Variants in GRIK1 observed in about 807,000 individuals in gnomAD.
GRIK1 encodes the protein glutamate ionotropic receptor kainate type subunit 1.
In GRIK1, 69 loss-of-function variants were observed where a neutral mutation model predicts 105.7. The observed-to-expected ratio is 0.65, with a 90% CI of 0.54 to 0.80. The LOEUF (loss-of-function observed/expected upper bound fraction) is 0.80, where lower values mean the gene tolerates loss of function less well. Ranked by LOEUF, GRIK1 falls within the 30% of genes least tolerant of loss-of-function variation. The probability of loss-of-function intolerance (pLI) is 0.00; values close to 1 mark genes in which losing one functional copy is unlikely to be tolerated. For missense variants in GRIK1, 1,109 were observed against 1,167.3 expected (o/e 0.95, Z 0.73); for synonymous variants, 438 against 431.3 (o/e 1.02, Z -0.19).
chr21:29,770,302 C>G (rs562852911), intron 1 of GRIK1, among the ~76,000 whole-genome samples: 13 of 152,180 alleles, frequency 8.5e-5, no homozygotes, highest in African/African-American at 3.1e-4. Context: ...TTAGTAAATG[C>G]CCCAATCTGC....
intron 7 of GRIK1, among the ~76,000 whole-genome samples, chr21:29,623,802 C>A (rs1004506010): frequency 2.6e-5 from 4 of 152,284 alleles, no homozygotes; most frequent in South Asian, 2.1e-4. Context: ...AGTCAACATG[C>A]TATTCACTAA....
chr21:29,662,507 T>C (rs1601400141), intron 4 of GRIK1, among the ~76,000 whole-genome samples: 1 of 152,222 alleles, frequency 6.6e-6, no homozygotes, highest in Admixed American at 6.5e-5. Context: ...GGTAACAGAA[T>C]ATTTTGAATT....
chr21:29,587,655 G>A, intron 11 of GRIK1, 66 bp from the exon 12 acceptor site: 3 of 819,618 alleles, frequency 3.7e-6, no homozygotes, highest in Non-Finnish European at 6.0e-6. Flanking sequence ...GACTTTTCCT[G>A]GGTACTCCTG....
chr21:29,908,321 A>G (rs1345082260), intron 1 of GRIK1, among the ~76,000 whole-genome samples: 1 of 152,108 alleles, frequency 6.6e-6, no homozygotes, highest in African/African-American at 2.4e-5. Flanking sequence ...ACCATCTTCC[A>G]TCTTCTACTG....
At position 29,867,908 on chromosome 21, in the gene GRIK1, AAGAG is replaced by A. The variant is rs374877912; in HGVS notation, c.118+71471_118+71474del. Among the ~76,000 whole-genome samples the A allele has an allele frequency of 5.1e-5, 4 of 77,842 alleles. No individual in the cohort carries two copies. The East Asian group carries it at 1.8e-3, about 34-fold the overall frequency. 51.1% of individuals were successfully genotyped at this position (77,842 alleles called of 152,430 possible). ...AGAAAGAGAGAGAGAGAGAGAAAGA[AAGAG>A]AGAGAAAGAGAGAAAGAGAGAGAAA... On this transcript the variant is annotated intron_variant, in intron 1 of 17. Transcript: ENST00000327783.
intron 1 of GRIK1, among the ~76,000 whole-genome samples, chr21:29,789,430 A>T (rs2145813456): frequency 6.6e-6 from 1 of 152,326 alleles, no homozygotes; most frequent in South Asian, 2.1e-4. Flanking sequence ...GAGTCATAAT[A>T]ATCCCTCCTG....
At chr21:29,689,138 G>C (rs1480092427) in intron 3 of GRIK1, among the ~76,000 whole-genome samples, 1 of 151,884 alleles carries the variant, frequency 6.6e-6, no homozygotes, top group Non-Finnish European at 1.5e-5. Context: ...AAGTTCAAAT[G>C]GGGGCGGGTC....
chr21:29,768,731 G>A (rs2065738442), intron 1 of GRIK1, among the ~76,000 whole-genome samples: 2 of 152,168 alleles, frequency 1.3e-5, no homozygotes, highest in African/African-American at 4.8e-5. Flanking sequence ...CTGAAGAGTT[G>A]TCTATTTCAG....
At chr21:29,585,832 T>G (rs2091118871) in intron 12 of GRIK1, among the ~76,000 whole-genome samples, 2 of 152,330 alleles carry the variant, frequency 1.3e-5, no homozygotes, top group South Asian at 4.1e-4. Context: ...TTTTAAAAAT[T>G]TTATACCCAA....
At chr21:29,706,456 C>T (rs1173099108) in intron 1 of GRIK1, among the ~76,000 whole-genome samples, 3 of 152,118 alleles carry the variant, frequency 2.0e-5, no homozygotes, top group Non-Finnish European at 4.4e-5. Flanking sequence ...TAAGTTACCC[C>T]AGAATACAGA....
intron 7 of GRIK1, among the ~76,000 whole-genome samples, chr21:29,641,209 C>T (rs1355473757): frequency 6.6e-6 from 1 of 152,162 alleles, no homozygotes; most frequent in Non-Finnish European, 1.5e-5. Flanking sequence ...ACCCAAATCT[C>T]ATCTCGAATT....
At chr21:29,626,694 C>T (rs2062140059) in intron 7 of GRIK1, among the ~76,000 whole-genome samples, 1 of 152,194 alleles carries the variant, frequency 6.6e-6, no homozygotes, top group African/African-American at 2.4e-5. Context: ...CATAATTTTA[C>T]TGGTGGATGT....
intron 7 of GRIK1, among the ~76,000 whole-genome samples, chr21:29,623,420 T>G (rs1331188070): frequency 2.0e-5 from 3 of 151,578 alleles, no homozygotes; most frequent in Non-Finnish European, 4.4e-5. Flanking sequence ...ACCCAAACCC[T>G]GCAAGACAGG....
chr21:29,694,473 T>C (rs1213416277), intron 1 of GRIK1, among the ~76,000 whole-genome samples: 1 of 151,920 alleles, frequency 6.6e-6, no homozygotes, highest in African/African-American at 2.4e-5. Context: ...AAATGATAAA[T>C]AGAGTAATAG....
intron 1 of GRIK1, among the ~76,000 whole-genome samples, chr21:29,850,628 T>C (rs2068275680): frequency 6.6e-6 from 1 of 152,208 alleles, no homozygotes; most frequent in Non-Finnish European, 1.5e-5. Flanking sequence ...TTAGTGCTCA[T>C]AACATCTTGT....
chr21:29,585,091 C>A (rs958166023), intron 12 of GRIK1, among the ~76,000 whole-genome samples: 12 of 151,820 alleles, frequency 7.9e-5, no homozygotes, highest in African/African-American at 2.9e-4. Flanking sequence ...CACGTGTGAA[C>A]CAAGACAAGG....
chr21:29,538,101 A>C (rs1026860511), intron 16 of GRIK1, among the ~76,000 whole-genome samples: 3 of 152,204 alleles, frequency 2.0e-5, no homozygotes, highest in Admixed American at 6.6e-5. Context: ...TATAATCTGC[A>C]TTGCAATTAT....
chr21:29,847,900 T>TCTCTC (rs1164282964), intron 1 of GRIK1, among the ~76,000 whole-genome samples: 13 of 150,546 alleles, frequency 8.6e-5, no homozygotes, highest in African/African-American at 2.7e-4. Flanking sequence ...GTTTCTCTCT[T>TCTCTC]TCTCTCTCTC....
intron 1 of GRIK1, among the ~76,000 whole-genome samples, chr21:29,902,998 C>A (rs977290903): frequency 2.0e-5 from 3 of 151,922 alleles, no homozygotes; most frequent in Non-Finnish European, 4.4e-5. Context: ...ACCATCTGAT[C>A]TTTGACAAAC....
Sources: allele counts gnomAD v4.1 joint callset (sites outside exome capture counted in the v4.1 genomes callset), GRCh38; gene constraint gnomAD v4.1.1; transcripts MANE v1.5; gene names NCBI Gene and HGNC (gene_info 2026-07-23, HGNC 2026-07-21).